ZDHHC15: variants seen among roughly 807,000 people sequenced by gnomAD.
ZDHHC15 encodes the protein zDHHC palmitoyltransferase 15.
A neutral mutation model predicts 31.7 loss-of-function variants in ZDHHC15; 19 were observed. The ratio of observed to expected loss-of-function variants is 0.60; its 90% CI spans 0.42 to 0.88. ZDHHC15 has a LOEUF of 0.88. ZDHHC15 is among the 40% of genes least tolerant of loss of function. ZDHHC15 has a pLI of 0.00. For missense variants in ZDHHC15, 209 were observed against 251.2 expected, an observed-to-expected ratio of 0.83 and a Z score of 1.14; for synonymous variants, 103 against 90.0, an observed-to-expected ratio of 1.14 and a Z score of -0.82.
intron 3 of ZDHHC15, among the ~76,000 whole-genome samples, chrX:75,468,553 A>C (rs1172939250): frequency 2.7e-5 from 3 of 111,445 alleles, no homozygotes; most frequent in African/African-American, 9.8e-5. Flanking sequence ...TTGTTTGAAC[A>C]CCTGTTTTCA....
chrX:75,395,216 T>A lies in ZDHHC15; in HGVS notation c.968-16018A>T, dbSNP rs559077444. On this transcript the variant is annotated intron_variant, in intron 10 of 11. Coordinates refer to ENST00000373367, the MANE Select transcript of ZDHHC15 (RefSeq NM_144969.3). ...AGAAGTCCTAGCTGGAGCAATCAGATAAGAGAAAGAAATAAACACATCCCA... is the reference window on the plus strand; with the variant it reads ...AGAAGTCCTAGCTGGAGCAATCAGAAAAGAGAAAGAAATAAACACATCCCA... Among the ~76,000 whole-genome samples, 4 of 111,282 alleles carry A rather than the reference T, an allele frequency of 3.6e-5. No individual in the cohort carries two copies. The South Asian group carries it at 1.5e-3, about 42-fold the overall frequency.
chrX:75,498,237 A>C (rs2085037366), intron 2 of ZDHHC15, among the ~76,000 whole-genome samples: 1 of 110,980 alleles, frequency 9.0e-6, no homozygotes, highest in East Asian at 2.8e-4. Flanking sequence ...CTGGCCACCC[A>C]CTTTTACCAC....
chrX:75,433,408 G>A (rs1467367370), intron 4 of ZDHHC15, among the ~76,000 whole-genome samples: 1 of 110,753 alleles, frequency 9.0e-6, no homozygotes, highest in Non-Finnish European at 1.9e-5. Flanking sequence ...TACCCAGCAT[G>A]TAGTCTGTTA....
intron 11 of ZDHHC15, among the ~76,000 whole-genome samples, chrX:75,374,010 T>G (rs1267375150): frequency 1.1e-5 from 1 of 94,587 alleles, no homozygotes; most frequent in Non-Finnish European, 2.1e-5. Flanking sequence ...CTTCCCAGCC[T>G]CTGGTAATCA....
intron 7 of ZDHHC15, 121 bp from the exon 8 acceptor site, chrX:75,424,905 AT>A (rs2083693585): frequency 1.3e-6 from 1 of 783,299 alleles, no homozygotes; most frequent in Non-Finnish European, 1.7e-6. Flanking sequence ...TAAAAAATAG[AT>A]TCTGTAAAAT....
At chrX:75,415,228 G>A (rs1267420259) in intron 10 of ZDHHC15, among the ~76,000 whole-genome samples, 1 of 111,803 alleles carries the variant, frequency 8.9e-6, no homozygotes, top group African/African-American at 3.3e-5. Flanking sequence ...TGTAAGAACT[G>A]TTTGTCTATG....
In ZDHHC15 at chrX:75,410,906, C is replaced by A. The variant is rs144964350; in HGVS notation, c.967+6181G>T. Among the ~76,000 whole-genome samples the A allele has an allele frequency of 1.5e-3, 164 of 112,267 alleles. 3 individuals carry two copies. In the East Asian group the frequency reaches 0.037, roughly 25 times the overall value. ...ATGTACACGATGGAATATTATTCAT[C>A]TATAAAAACGTTAAAATCCTGTCAT... On this transcript the variant is annotated intron_variant, in intron 10 of 11. Transcript: ENST00000373367.
chrX:75,493,573 G>C (rs937030138), intron 2 of ZDHHC15, among the ~76,000 whole-genome samples: 6 of 111,706 alleles, frequency 5.4e-5, no homozygotes, highest in Non-Finnish European at 9.4e-5. Flanking sequence ...ACATCAAAAA[G>C]CTTATCCACC....
intron 4 of ZDHHC15, among the ~76,000 whole-genome samples, chrX:75,444,565 T>G (rs2083999415): frequency 1.0e-5 from 1 of 100,180 alleles, no homozygotes; most frequent in Admixed American, 1.1e-4. Flanking sequence ...CATGTATACA[T>G]ATGTAGCAAA....
intron 9 of ZDHHC15, among the ~76,000 whole-genome samples, chrX:75,418,789 G>A (rs759504835): frequency 1.7e-4 from 19 of 111,745 alleles, no homozygotes; most frequent in South Asian, 7.5e-4. Context: ...TTCCTTACAC[G>A]TTATACAAAA....
At chrX:75,416,955 C>T (rs187722680) in intron 10 of ZDHHC15, 132 bp downstream of exon 10, 3 of 450,244 alleles carry the variant, frequency 6.7e-6, no homozygotes, top group South Asian at 3.8e-5. Context: ...CAAATATGGC[C>T]ATACTTGCTC....
chrX:75,495,400 A>G (rs1002525365), intron 2 of ZDHHC15, among the ~76,000 whole-genome samples: 1 of 111,453 alleles, frequency 9.0e-6, no homozygotes, highest in Non-Finnish European at 1.9e-5. Context: ...AGAACTAGAA[A>G]TAGCATTTGA....
At chrX:75,498,301 G>T (rs1053326084) in intron 2 of ZDHHC15, among the ~76,000 whole-genome samples, 2 of 110,572 alleles carry the variant, frequency 1.8e-5, no homozygotes, top group Non-Finnish European at 3.8e-5. Context: ...ACAAGAGAAA[G>T]AAACTGGTAA....
chrX:75,424,535 G>T, intron 8 of ZDHHC15, 117 bp downstream of exon 8: 1 of 752,775 alleles, frequency 1.3e-6, no homozygotes, highest in Non-Finnish European at 1.8e-6. Flanking sequence ...CAGTCTGGGG[G>T]TAGAGGGATG....
intron 1 of ZDHHC15, among the ~76,000 whole-genome samples, chrX:75,507,071 GC>G (rs1380437755): frequency 1.8e-5 from 2 of 111,342 alleles, no homozygotes; most frequent in African/African-American, 6.5e-5. Context: ...GTAAATAACT[GC>G]AGAACTTTTA....
intron 3 of ZDHHC15, among the ~76,000 whole-genome samples, chrX:75,462,255 G>A (rs989056811): frequency 6.3e-5 from 7 of 111,915 alleles, no homozygotes; most frequent in African/African-American, 1.9e-4. Context: ...CCAAATTCAG[G>A]AGCACCCATA....
chrX:75,369,366 T>C lies in ZDHHC15; in HGVS notation c.*3612A>G, dbSNP rs757595373. 4.5e-5 allele frequency: 5 copies of C among 111,072 alleles called. No homozygotes were observed. The highest frequency in any genetic ancestry group is 1.6e-4 in the African/African-American group (5 of 30,518). 9.2% of individuals were successfully genotyped at this position (111,072 alleles called of 1,213,427 possible). On this transcript the variant is annotated 3_prime_UTR_variant, in exon 12 of 12. Coordinates refer to ENST00000373367, the MANE Select transcript of ZDHHC15 (RefSeq NM_144969.3). ...GTGTGTACATGTGCATACATGTATG[T>C]AGATATGTGTGATGAGAGGTGAAAA... is the stretch of plus-strand genomic sequence containing the variant.
At chrX:75,496,308 A>T (rs1288009674) in intron 2 of ZDHHC15, among the ~76,000 whole-genome samples, 1 of 111,571 alleles carries the variant, frequency 9.0e-6, no homozygotes, top group Non-Finnish European at 1.9e-5. Context: ...AAATGTAGCA[A>T]TCCTAAATAT....
chrX:75,381,593 C>T (rs1190688158), intron 10 of ZDHHC15, among the ~76,000 whole-genome samples: 3 of 111,676 alleles, frequency 2.7e-5, no homozygotes, highest in Non-Finnish European at 3.8e-5. Context: ...TTCCTTATAT[C>T]AATATATCAC....
Sources: gnomAD v4.1 joint callset for allele counts (sites outside exome capture counted in the v4.1 genomes callset) on GRCh38, gnomAD v4.1.1 for gene constraint, MANE v1.5 for transcripts, NCBI Gene and HGNC (gene_info 2026-07-23, HGNC 2026-07-21) for gene names.